Variants in CACNA2D3 observed in about 807,000 individuals in gnomAD.
CACNA2D3 encodes calcium voltage-gated channel auxiliary subunit alpha2delta 3, also known as voltage-dependent calcium channel subunit alpha-2/delta-3.
CACNA2D3 carries 60 observed loss-of-function variants against 160.6 expected under a neutral mutation model. The ratio of observed to expected loss-of-function variants is 0.37; its 90% CI spans 0.30 to 0.46. CACNA2D3 has a LOEUF of 0.46. Among genes scored for constraint, CACNA2D3 ranks in the 20% least tolerant of loss-of-function variants. CACNA2D3 has a pLI of 1.00. For missense variants in CACNA2D3, 1,205 were observed against 1,365.0 expected (o/e 0.88, Z 1.85); for synonymous variants, 558 against 492.9 (o/e 1.13, Z -1.75).
At chr3:54,778,543 C>T (rs1199273114) in intron 13 of CACNA2D3, among the ~76,000 whole-genome samples, 1 of 152,142 alleles carries the variant, frequency 6.6e-6, no homozygotes, top group African/African-American at 2.4e-5. Flanking sequence ...GCATTGATGG[C>T]CTGTTTCCAA....
chr3:54,303,191 G>A (rs968382430), intron 2 of CACNA2D3, among the ~76,000 whole-genome samples: 5 of 152,148 alleles, frequency 3.3e-5, no homozygotes, highest in African/African-American at 1.2e-4. Context: ...AGCTCTGGGT[G>A]GATGGAGAGC....
At chr3:54,289,696 G>A (rs1234964612) in intron 2 of CACNA2D3, among the ~76,000 whole-genome samples, 5 of 152,164 alleles carry the variant, frequency 3.3e-5, no homozygotes, top group African/African-American at 7.2e-5. Context: ...CATGGTAGTG[G>A]TACCAAAACA....
chr3:54,793,667 G>T (rs1559583873), intron 13 of CACNA2D3, among the ~76,000 whole-genome samples: 1 of 152,184 alleles, frequency 6.6e-6, no homozygotes, highest in South Asian at 2.1e-4. Context: ...CTTTGTCTAG[G>T]TCAGTGTAGT....
chr3:54,716,284 G>A (rs13084602), intron 11 of CACNA2D3, among the ~76,000 whole-genome samples: 1 of 151,996 alleles, frequency 6.6e-6, no homozygotes, highest in African/African-American at 2.4e-5. Flanking sequence ...TGCTAAGGTT[G>A]AGGATACACC....
chr3:54,873,668 C>A (rs1283179781), intron 18 of CACNA2D3, among the ~76,000 whole-genome samples: 1 of 152,208 alleles, frequency 6.6e-6, no homozygotes, highest in African/African-American at 2.4e-5. Flanking sequence ...GTCTGTCCAA[C>A]TTCAGAGTTG....
At chr3:54,656,912 G>A (rs757550775) in intron 11 of CACNA2D3, among the ~76,000 whole-genome samples, 29 of 152,146 alleles carry the variant, frequency 1.9e-4, no homozygotes, top group Non-Finnish European at 2.5e-4. Context: ...ATGCGCGTCC[G>A]TGTGAAGAAA....
chr3:54,400,479 A>G (rs906829979), intron 4 of CACNA2D3, among the ~76,000 whole-genome samples: 6 of 152,256 alleles, frequency 3.9e-5, no homozygotes, highest in South Asian at 2.1e-4. Flanking sequence ...ACATCAAGAA[A>G]TATCTTCTCA....
chr3:54,307,955 G>A (rs1703649475), intron 2 of CACNA2D3, among the ~76,000 whole-genome samples: 1 of 152,226 alleles, frequency 6.6e-6, no homozygotes, highest in Non-Finnish European at 1.5e-5. Flanking sequence ...TCTAAGAATT[G>A]TTTATAATGT....
At chr3:54,984,381 T>C (rs1315456667) in intron 29 of CACNA2D3, among the ~76,000 whole-genome samples, 1 of 152,222 alleles carries the variant, frequency 6.6e-6, no homozygotes, top group East Asian at 1.9e-4. Context: ...CATTCAAGAC[T>C]CGTTCAGTCT....
intron 2 of CACNA2D3, among the ~76,000 whole-genome samples, chr3:54,270,366 T>A (rs927830704): frequency 6.6e-6 from 1 of 152,246 alleles, no homozygotes; most frequent in African/African-American, 2.4e-5. Context: ...CAGGAATTAA[T>A]CGACCTGCTT....
chr3:55,015,525 C>T lies in CACNA2D3; in HGVS notation c.2876-2681C>T, dbSNP rs182100751. ...TTATATTCCATCTGCATGCTTGTGC[C>T]GCATCCACTTATAACCTAAGCTATT... On this transcript the variant is annotated intron_variant, in intron 34 of 37. Coordinates refer to ENST00000474759, the MANE Select transcript of CACNA2D3 (RefSeq NM_018398.3). Among the ~76,000 whole-genome samples, 286 of 152,146 alleles carry T rather than the reference C, an allele frequency of 1.9e-3. 1 individual carries two copies. In the Middle Eastern group the frequency reaches 0.024, roughly 13 times the overall value.
At chr3:54,409,067 T>C (rs11713636) in intron 4 of CACNA2D3, among the ~76,000 whole-genome samples, 17,304 of 152,212 alleles carry the variant, frequency 0.11, 1,201 homozygotes, top group East Asian at 0.19. Context: ...ACAGATATGC[T>C]TCATTTTATT....
At chr3:54,304,502 C>G (rs1703553317) in intron 2 of CACNA2D3, among the ~76,000 whole-genome samples, 1 of 152,156 alleles carries the variant, frequency 6.6e-6, no homozygotes, top group South Asian at 2.1e-4. Flanking sequence ...CATTTATAAT[C>G]TTACATTTAA....
chr3:55,030,896 G>T (rs1703672802), intron 35 of CACNA2D3, among the ~76,000 whole-genome samples: 1 of 152,154 alleles, frequency 6.6e-6, no homozygotes, highest in Admixed American at 6.6e-5. Context: ...TTTCCCTCCT[G>T]AGTCCATGAT....
In CACNA2D3 at chr3:54,918,326, TTTTTTC is replaced by T. The variant is rs1367150174; in HGVS notation, c.2449+18464_2449+18469del. ...AATATTTTTTACAGACACATCTTTTTTTTTTCTTTTTTTTTTTTTTTTTTTTTTTGT... is the reference window on the plus strand; with the variant it reads ...AATATTTTTTACAGACACATCTTTTTTTTTTTTTTTTTTTTTTTTTTTTGT... On this transcript the variant is annotated intron_variant, in intron 27 of 37. Transcript: ENST00000474759. The T allele has an allele frequency of 3.7e-5, 15 of 402,300 alleles. No homozygotes were observed. The African/African-American group carries it at 3.9e-4, about 10-fold the overall frequency. The allele number at this position is 402,300 out of a possible 1,614,324, so 24.9% of individuals were successfully genotyped here.
chr3:54,212,024 C>T (rs1463460814), intron 2 of CACNA2D3, among the ~76,000 whole-genome samples: 3 of 151,986 alleles, frequency 2.0e-5, no homozygotes, highest in Admixed American at 6.6e-5. Flanking sequence ...TGCCAAGAAA[C>T]CCTGAGATAC....
At position 54,473,449 on chromosome 3, in the gene CACNA2D3, A is replaced by G. The variant is rs71601043; in HGVS notation, c.382-30043A>G. On this transcript the variant is annotated intron_variant, in intron 4 of 37. Coordinates refer to ENST00000474759, the MANE Select transcript of CACNA2D3 (RefSeq NM_018398.3). Reference sequence around the variant, plus strand: ...AAAACCCTAGAAGAAAACCTAGGCAATACCATTCAGGACATAGGCATGGGC... The same window carrying G: ...AAAACCCTAGAAGAAAACCTAGGCAGTACCATTCAGGACATAGGCATGGGC... 1.6e-4 allele frequency among the ~76,000 whole-genome samples: 24 copies of G among 152,308 alleles called. 1 individual carries two copies. The South Asian group carries it at 1.7e-3, about 11-fold the overall frequency.
intron 11 of CACNA2D3, among the ~76,000 whole-genome samples, chr3:54,730,705 G>T (rs575922120): frequency 3.9e-5 from 6 of 152,174 alleles, no homozygotes; most frequent in African/African-American, 1.4e-4. Flanking sequence ...GTTTCACGGT[G>T]TTGGTCAGGC....
chr3:54,715,006 G>A (rs868183077), intron 11 of CACNA2D3, among the ~76,000 whole-genome samples: 2 of 152,138 alleles, frequency 1.3e-5, no homozygotes, highest in East Asian at 3.9e-4. Flanking sequence ...CAGTAGATAC[G>A]ATACCAGCTG....
Sources: gnomAD v4.1 joint callset for allele counts (sites outside exome capture counted in the v4.1 genomes callset) on GRCh38, gnomAD v4.1.1 for gene constraint, MANE v1.5 for transcripts, NCBI Gene and HGNC (gene_info 2026-07-23, HGNC 2026-07-21) for gene names.